Variants in GALNT13 observed in about 807,000 individuals in gnomAD.
The protein encoded by GALNT13 is UDP-GalNAc:polypeptide N-acetylgalactosaminyltransferase 13.
Under a neutral mutation model 64.2 loss-of-function variants are expected in GALNT13, and 28 were observed. That is an observed-to-expected ratio of 0.44 (90% CI 0.32 to 0.60). The LOEUF is 0.60. Ranked by LOEUF, GALNT13 falls within the 20% of genes least tolerant of loss-of-function variation. The pLI is 0.05. For missense variants in GALNT13, 577 were observed against 669.8 expected, an observed-to-expected ratio of 0.86 and a Z score of 1.53; for synonymous variants, 214 against 224.6, an observed-to-expected ratio of 0.95 and a Z score of 0.42.
the GALNT13 span, among the ~76,000 whole-genome samples, chr2:153,196,522 G>A: frequency 1.3e-5 from 2 of 152,148 alleles, no homozygotes; most frequent in East Asian, 1.9e-4. Context: ...GCCTGTGGGG[G>A]CAAAGGGCCC....
At chr2:154,408,918 G>A (rs1699670590) in intron 10 of GALNT13, 66 bp from the exon 11 acceptor site, 1 of 951,328 alleles carries the variant, frequency 1.1e-6, no homozygotes, top group African/African-American at 1.6e-5. Flanking sequence ...ACATGAGAAG[G>A]ATTTGATGAC....
chr2:154,442,985 G>A (rs549547623), intron 12 of GALNT13, among the ~76,000 whole-genome samples: 1 of 152,164 alleles, frequency 6.6e-6, no homozygotes, highest in East Asian at 1.9e-4. Flanking sequence ...TAGGTGAAAT[G>A]TGTTAGATTA....
the GALNT13 span, among the ~76,000 whole-genome samples, chr2:153,607,446 T>C: frequency 6.6e-6 from 1 of 152,158 alleles, no homozygotes; most frequent in South Asian, 2.1e-4. Flanking sequence ...AATAAATTAT[T>C]CTGTGGTTTA....
At chr2:153,850,412 A>C in the GALNT13 span, among the ~76,000 whole-genome samples, 5 of 152,194 alleles carry the variant, frequency 3.3e-5, no homozygotes, top group Admixed American at 6.5e-5. Flanking sequence ...AAAAAGATCA[A>C]ACTATTTCCA....
intron 1 of GALNT13, among the ~76,000 whole-genome samples, chr2:153,875,970 A>T (rs1686340331): frequency 6.6e-6 from 1 of 152,180 alleles, no homozygotes; most frequent in Non-Finnish European, 1.5e-5. Flanking sequence ...CAGAAGGAAC[A>T]TGTAGACATC....
At chr2:153,443,274 C>T in the GALNT13 span, among the ~76,000 whole-genome samples, 1 of 152,098 alleles carries the variant, frequency 6.6e-6, no homozygotes, top group African/African-American at 2.4e-5. Context: ...AGGGACAGTC[C>T]CTCACAGCTT....
chr2:154,011,183 G>A (rs1696611978), intron 3 of GALNT13, among the ~76,000 whole-genome samples: 1 of 151,950 alleles, frequency 6.6e-6, no homozygotes, highest in African/African-American at 2.4e-5. Flanking sequence ...AAGCTGTTAG[G>A]TTAGGTTGTC....
chr2:153,887,116 C>A (rs143139856), intron 1 of GALNT13, among the ~76,000 whole-genome samples: 1 of 151,846 alleles, frequency 6.6e-6, no homozygotes, highest in African/African-American at 2.4e-5. Flanking sequence ...AAGAAGGTCT[C>A]TTTTAAGTGC....
chr2:153,944,487 C>T lies in GALNT13; in HGVS notation c.-11C>T. ...TTCAATCTGTGTGTTAACTAGAAAT[C>T]AAGGAAAGACATGAGGAGATTTGTC... On this transcript the variant is annotated 5_prime_UTR_variant, in exon 3 of 13. Transcript: ENST00000392825. 6.2e-7 allele frequency: 1 copy of T among 1,610,042 alleles called. No individual in the cohort carries two copies. Among genetic ancestry groups the T allele is most frequent in the Non-Finnish European group, 8.5e-7 (1 of 1,177,996 alleles).
chr2:153,660,402 G>T, the GALNT13 span, among the ~76,000 whole-genome samples: 2 of 151,944 alleles, frequency 1.3e-5, no homozygotes, highest in Admixed American at 6.6e-5. Flanking sequence ...TGGAACTTAC[G>T]TGAAATATAA....
intron 4 of GALNT13, among the ~76,000 whole-genome samples, chr2:154,239,163 T>G (rs1689347919): frequency 6.6e-6 from 1 of 152,142 alleles, no homozygotes; most frequent in Non-Finnish European, 1.5e-5. Flanking sequence ...GTAACATTTG[T>G]GAGTGGATTT....
the GALNT13 span, among the ~76,000 whole-genome samples, chr2:153,570,352 T>C: frequency 2.0e-5 from 3 of 152,196 alleles, no homozygotes; most frequent in South Asian, 6.2e-4. Context: ...TGTCAATCCC[T>C]TGTCAGATGG....
chr2:153,523,043 ATTTTTTTTTTTT>A, the GALNT13 span, among the ~76,000 whole-genome samples: 1 of 83,404 alleles, frequency 1.2e-5, no homozygotes, highest in Admixed American at 1.5e-4. Flanking sequence ...TGTGTTTACT[ATTTTTTTTTTTT>A]TTTTTTTTTT....
chr2:153,988,550 C>T (rs1174158957), intron 3 of GALNT13, among the ~76,000 whole-genome samples: 1 of 151,894 alleles, frequency 6.6e-6, no homozygotes, highest in Non-Finnish European at 1.5e-5. Flanking sequence ...ATACACTGCA[C>T]TTTCCTTATC....
chr2:153,824,225 A>G, the GALNT13 span, among the ~76,000 whole-genome samples: 1 of 152,176 alleles, frequency 6.6e-6, no homozygotes, highest in Non-Finnish European at 1.5e-5. Context: ...GTATATAGCT[A>G]TACAGCAGTT....
In GALNT13 at chr2:154,135,459, T is replaced by G. The variant is rs1361087624; in HGVS notation, c.143-4878T>G. On this transcript the variant is annotated intron_variant, in intron 3 of 12. Coordinates refer to ENST00000392825, the MANE Select transcript of GALNT13 (RefSeq NM_052917.4). ...CTACATAAGAAATGAAAAACAAATC[T>G]TACTGTCAGATGTGTCAGATTTATA... Among the ~76,000 whole-genome samples the G allele has an allele frequency of 2.0e-5, 3 of 152,184 alleles. No individual in the cohort carries two copies. In the East Asian group the frequency reaches 5.8e-4, roughly 29 times the overall value.
chr2:153,316,432 GGAGATC>G, the GALNT13 span, among the ~76,000 whole-genome samples: 1 of 151,728 alleles, frequency 6.6e-6, no homozygotes, highest in Non-Finnish European at 1.5e-5. Flanking sequence ...CATGAGGTCA[GGAGATC>G]GAGACCATCC....
At chr2:153,718,201 A>G in the GALNT13 span, among the ~76,000 whole-genome samples, 4 of 151,944 alleles carry the variant, frequency 2.6e-5, no homozygotes. Context: ...AAACATGCTT[A>G]AAAAAAAGCT....
At chr2:153,360,350 G>A in the GALNT13 span, among the ~76,000 whole-genome samples, 6 of 152,170 alleles carry the variant, frequency 3.9e-5, no homozygotes, top group Admixed American at 6.5e-5. Flanking sequence ...ACAGAGCCAC[G>A]CAGATTCTCA....
Sources: gnomAD v4.1 joint callset for allele counts (sites outside exome capture counted in the v4.1 genomes callset) on GRCh38, gnomAD v4.1.1 for gene constraint, MANE v1.5 for transcripts, NCBI Gene and HGNC (gene_info 2026-07-23, HGNC 2026-07-21) for gene names.